PON3: variants seen among roughly 807,000 people sequenced by gnomAD.
PON3 encodes paraoxonase 3.
In PON3, 37 loss-of-function variants were observed where a neutral mutation model predicts 36.3. That is an observed-to-expected ratio of 1.02 (90% confidence interval 0.78 to 1.34). The LOEUF (loss-of-function observed/expected upper bound fraction) is 1.34, where lower values mean the gene tolerates loss of function less well. Among genes scored for constraint, PON3 ranks in the 40% most tolerant of loss-of-function variants. The pLI is 0.00. For missense variants in PON3, 415 were observed against 426.5 expected, an observed-to-expected ratio of 0.97 and a Z score of 0.24; for synonymous variants, 155 against 154.8, an observed-to-expected ratio of 1.00 and a Z score of -0.01.
Position 95,390,167 on chromosome 7 carries a change from G to A in PON3, c.188C>T (p.Ala63Val), listed in dbSNP as rs1809288010. 5.0e-6 allele frequency: 8 copies of A among 1,611,078 alleles called. No homozygotes were observed. Among genetic ancestry groups the A allele is most frequent in the African/African-American group, 1.3e-5 (1 of 74,858 alleles). ...GAAAATACTCACACTGGAGATAAAA[G>A]CCAGCCCACTAGGAAGTATATCAAT... is the stretch of plus-strand genomic sequence containing the variant. ...EDIDILPSGLAFISSGLKYPG... is the reference protein window; with the variant it reads ...EDIDILPSGLVFISSGLKYPG... Residue 63 changes from alanine to valine, a missense_variant, in exon 3 of 9, where the codon GCT becomes GTT. By Grantham distance (64) the Ala-to-Val change is moderately conservative. Coordinates refer to ENST00000265627, the MANE Select transcript of PON3 (RefSeq NM_000940.3).
chr7:95,377,228 C>A (rs191297179), intron 3 of PON3, among the ~76,000 whole-genome samples: 19 of 152,106 alleles, frequency 1.2e-4, no homozygotes, highest in Admixed American at 1.2e-3. Flanking sequence ...CTTGAGTAGG[C>A]GGTTTTGTGC....
chr7:95,374,495 G>A (rs1189245663), intron 3 of PON3, among the ~76,000 whole-genome samples: 1 of 151,942 alleles, frequency 6.6e-6, no homozygotes, highest in Non-Finnish European at 1.5e-5. Flanking sequence ...AAAATTACAA[G>A]GTTTCCTTCC....
At chr7:95,372,109 G>T in intron 4 of PON3, 64 bp downstream of exon 4, 1 of 1,518,346 alleles carries the variant, frequency 6.6e-7, no homozygotes, top group Non-Finnish European at 9.1e-7. Flanking sequence ...AATATTGAGG[G>T]GCTGGAGATA....
intron 3 of PON3, among the ~76,000 whole-genome samples, chr7:95,389,054 G>A (rs891000567): frequency 6.6e-5 from 10 of 151,964 alleles, no homozygotes; most frequent in African/African-American, 2.2e-4. Context: ...AAACCTGCAC[G>A]TTGTGCACAT....
chr7:95,383,898 C>G (rs1220659544), intron 3 of PON3, among the ~76,000 whole-genome samples: 2 of 152,172 alleles, frequency 1.3e-5, no homozygotes, highest in African/African-American at 4.8e-5. Flanking sequence ...ATTGCCAAGT[C>G]AACCCTAAGC....
chr7:95,395,752 A>T (rs141462619), intron 1 of PON3: 3 of 172,198 alleles, frequency 1.7e-5, no homozygotes, highest in African/African-American at 7.1e-5. Flanking sequence ...ATGCCTACAA[A>T]ATGCCAGTTA....
intron 3 of PON3, among the ~76,000 whole-genome samples, chr7:95,384,707 A>G (rs545820292): frequency 3.9e-5 from 6 of 152,284 alleles, no homozygotes; most frequent in African/African-American, 1.4e-4. Flanking sequence ...CAACAGGGCT[A>G]GAGAGGATAT....
chr7:95,385,102 G>C lies in PON3; in HGVS notation c.201+5052C>G, dbSNP rs1014719980. 3.9e-5 allele frequency among the ~76,000 whole-genome samples: 6 copies of C among 152,032 alleles called. No individual in the cohort carries two copies. In the East Asian group the frequency reaches 1.2e-3, roughly 29 times the overall value. Reference sequence around the variant, plus strand: ...ACCATTCTGAGCAAACTATCGCAAGGACAAAAAACCAAACACTGCATGTTC... The same window carrying C: ...ACCATTCTGAGCAAACTATCGCAAGCACAAAAAACCAAACACTGCATGTTC... On this transcript the variant is annotated intron_variant, in intron 3 of 8. Coordinates refer to ENST00000265627, the MANE Select transcript of PON3 (RefSeq NM_000940.3).
At chr7:95,362,164 G>T (rs535239643) in intron 8 of PON3, among the ~76,000 whole-genome samples, 198 bp downstream of exon 8, 4 of 152,258 alleles carry the variant, frequency 2.6e-5, no homozygotes, top group African/African-American at 7.2e-5. Context: ...AACAGCAAGA[G>T]TTATTGAAAA....
At chr7:95,378,851 G>A (rs1048731347) in intron 3 of PON3, among the ~76,000 whole-genome samples, 1 of 152,036 alleles carries the variant, frequency 6.6e-6, no homozygotes, top group African/African-American at 2.4e-5. Flanking sequence ...TCAATTAACG[G>A]GCAAAATAAC....
At chr7:95,375,420 T>C (rs969492618) in intron 3 of PON3, among the ~76,000 whole-genome samples, 2 of 151,534 alleles carry the variant, frequency 1.3e-5, no homozygotes, top group Admixed American at 1.3e-4. Flanking sequence ...GCATCTTATC[T>C]CACATCTTCC....
chr7:95,370,790 T>C (rs909135581), intron 4 of PON3, among the ~76,000 whole-genome samples: 2 of 152,272 alleles, frequency 1.3e-5, no homozygotes, highest in Non-Finnish European at 2.9e-5. Flanking sequence ...TATGTTTTTA[T>C]AATATATTTT....
At chr7:95,360,409 T>C (rs1808541670) in intron 8 of PON3, among the ~76,000 whole-genome samples, 1 of 152,170 alleles carries the variant, frequency 6.6e-6, no homozygotes, top group African/African-American at 2.4e-5. Flanking sequence ...AAGATGCTCT[T>C]ATTTAGTTCT....
intron 3 of PON3, among the ~76,000 whole-genome samples, chr7:95,386,431 G>A (rs1331437930): frequency 6.6e-6 from 1 of 152,110 alleles, no homozygotes; most frequent in Non-Finnish European, 1.5e-5. Flanking sequence ...GATTAAACCA[G>A]GAAAAAGTTG....
chr7:95,360,941 A>G (rs895172822), intron 8 of PON3, among the ~76,000 whole-genome samples: 2 of 152,122 alleles, frequency 1.3e-5, no homozygotes, highest in African/African-American at 4.8e-5. Flanking sequence ...ATGAGATTCA[A>G]CCAAAATTAA....
chr7:95,362,584 A>C, intron 7 of PON3, 94 bp from the exon 8 acceptor site: 1 of 1,580,596 alleles, frequency 6.3e-7, no homozygotes, highest in Non-Finnish European at 8.7e-7. Flanking sequence ...TTCTTCTGGC[A>C]CCTAAAGTTG....
chr7:95,375,913 G>A (rs1453682513), intron 3 of PON3, among the ~76,000 whole-genome samples: 1 of 152,200 alleles, frequency 6.6e-6, no homozygotes, highest in East Asian at 1.9e-4. Context: ...CAAACTACAG[G>A]TAAATGTGGA....
intron 3 of PON3, among the ~76,000 whole-genome samples, chr7:95,374,924 T>C (rs113487418): frequency 4.9e-4 from 75 of 152,258 alleles, no homozygotes; most frequent in African/African-American, 1.7e-3. Context: ...ATCTTATACA[T>C]AAAGATTCAG....
At chr7:95,390,032 C>A in intron 3 of PON3, 122 bp downstream of exon 3, 1 of 1,067,826 alleles carries the variant, frequency 9.4e-7, no homozygotes, top group Non-Finnish European at 1.4e-6. Flanking sequence ...TTTTAGTTGA[C>A]TGGTTTACCC....
Sources: gnomAD v4.1 joint callset for allele counts (sites outside exome capture counted in the v4.1 genomes callset) on GRCh38, gnomAD v4.1.1 for gene constraint, MANE v1.5 for transcripts, NCBI Gene and HGNC (gene_info 2026-07-23, HGNC 2026-07-21) for gene names.